Variants in RASGRP3 observed in about 807,000 individuals in gnomAD.
RASGRP3 encodes RAS guanyl releasing protein 3.
A neutral mutation model predicts 82.7 loss-of-function variants in RASGRP3; 54 were observed. The observed-to-expected ratio is 0.65, with a 90% confidence interval of 0.52 to 0.82. The LOEUF is 0.82. Ranked by LOEUF, RASGRP3 falls within the 40% of genes least tolerant of loss-of-function variation. The pLI, the probability that RASGRP3 is intolerant of heterozygous loss-of-function variation, is 0.00. For synonymous variants in RASGRP3, 309 were observed against 300.5 expected (o/e 1.03, Z -0.29); for missense variants, 861 against 828.9 (o/e 1.04, Z -0.48).
chr2:33,437,541 T>C (rs75173705), intron 1 of RASGRP3, among the ~76,000 whole-genome samples: 4,184 of 152,286 alleles, frequency 0.027, 204 homozygotes, highest in African/African-American at 0.096. Context: ...AGGAAATGTG[T>C]GGCTGTTATT....
chr2:33,547,074 AG>A (rs1205906440), intron 13 of RASGRP3, among the ~76,000 whole-genome samples: 19 of 137,968 alleles, frequency 1.4e-4, no homozygotes, highest in African/African-American at 4.0e-4. Context: ...AAAAAAAAAA[AG>A]AGAGAGAGAA....
chr2:33,514,639 C>T (rs1671272820), intron 2 of RASGRP3, among the ~76,000 whole-genome samples: 2 of 151,466 alleles, frequency 1.3e-5, no homozygotes, highest in African/African-American at 4.9e-5. Context: ...GAGCCGAGAT[C>T]GCACTACTGC....
rs150845233 is a variant in RASGRP3, at chr2:33,553,781, C to G, written c.1543-1750C>G. Among the ~76,000 whole-genome samples the G allele has an allele frequency of 1.6e-3, 241 of 152,090 alleles. 2 individuals are homozygous for G. The highest frequency in any genetic ancestry group is 5.4e-3 in the African/African-American group (225 of 41,522). On this transcript the variant is annotated intron_variant, in intron 14 of 17. Transcript: ENST00000403687. Reference sequence around the variant, plus strand: ...ATTTTTTCTTTGAGATAGAATCTCTCTCTGTCGCCTGCAGTGGCGCGATCT... The same window carrying G: ...ATTTTTTCTTTGAGATAGAATCTCTGTCTGTCGCCTGCAGTGGCGCGATCT...
chr2:33,541,698 T>G (rs987452092), intron 12 of RASGRP3, among the ~76,000 whole-genome samples: 2 of 147,558 alleles, frequency 1.4e-5, no homozygotes, highest in Non-Finnish European at 3.0e-5. Flanking sequence ...CCTGTTTGAC[T>G]TTTGTGTCTT....
At chr2:33,514,666 C>T (rs990087527) in intron 2 of RASGRP3, among the ~76,000 whole-genome samples, 1 of 152,068 alleles carries the variant, frequency 6.6e-6, no homozygotes, top group East Asian at 1.9e-4. Context: ...GTACTCCAGC[C>T]TGGGTGACAA....
chr2:33,465,006 GAA>G (rs1666609071), intron 2 of RASGRP3, among the ~76,000 whole-genome samples: 1 of 152,182 alleles, frequency 6.6e-6, no homozygotes, highest in Admixed American at 6.5e-5. Flanking sequence ...TCAAGTGAGA[GAA>G]AGAGTCACAA....
chr2:33,505,109 C>T (rs2150987685), intron 1 of RASGRP3, among the ~76,000 whole-genome samples: 1 of 151,812 alleles, frequency 6.6e-6, no homozygotes, highest in East Asian at 1.9e-4. Context: ...AATGATTCCT[C>T]CTCTTCCTCC....
chr2:33,465,892 C>A (rs1666666561), intron 2 of RASGRP3, among the ~76,000 whole-genome samples: 1 of 149,276 alleles, frequency 6.7e-6, no homozygotes, highest in South Asian at 2.1e-4. Context: ...AATGGAACAA[C>A]AAAGCCTGGA....
intron 2 of RASGRP3, among the ~76,000 whole-genome samples, chr2:33,514,519 A>C (rs1175185449): frequency 6.7e-6 from 1 of 149,792 alleles, no homozygotes; most frequent in Non-Finnish European, 1.5e-5. Flanking sequence ...AAAAAAAAAA[A>C]AAAAAAAACC....
chr2:33,444,588 G>A (rs929994133), intron 1 of RASGRP3, among the ~76,000 whole-genome samples: 3 of 152,116 alleles, frequency 2.0e-5, no homozygotes, highest in Non-Finnish European at 4.4e-5. Context: ...GTGAAATTTA[G>A]ACTATGAGAT....
chr2:33,466,253 G>C (rs1420997206), intron 2 of RASGRP3, among the ~76,000 whole-genome samples: 1 of 152,214 alleles, frequency 6.6e-6, no homozygotes, highest in East Asian at 1.9e-4. Flanking sequence ...AATCCTTCTG[G>C]AAAGGATTCA....
intron 16 of RASGRP3, 108 bp downstream of exon 16, chr2:33,558,444 T>C: frequency 6.6e-7 from 1 of 1,522,826 alleles, no homozygotes; most frequent in Non-Finnish European, 8.9e-7. Flanking sequence ...CTCTAAACGC[T>C]AAGGCCTTCT....
At chr2:33,459,165 C>T (rs758786813) in intron 2 of RASGRP3, among the ~76,000 whole-genome samples, 2 of 151,960 alleles carry the variant, frequency 1.3e-5, no homozygotes, top group East Asian at 1.9e-4. Context: ...CTCGCTCTGT[C>T]GCTCTGTTGC....
intron 17 of RASGRP3, 78 bp downstream of exon 17, chr2:33,559,108 G>T: frequency 1.6e-6 from 2 of 1,234,160 alleles, no homozygotes; most frequent in Admixed American, 5.7e-5. Context: ...CAGAGGGTCT[G>T]GGGGGCAGCC....
At chr2:33,535,635 A>G (rs961157832) in intron 11 of RASGRP3, among the ~76,000 whole-genome samples, 6 of 152,202 alleles carry the variant, frequency 3.9e-5, no homozygotes, top group African/African-American at 7.2e-5. Flanking sequence ...AATAGTGCAT[A>G]TGCTTCCATG....
At chr2:33,530,958 T>C (rs1390354546) in intron 10 of RASGRP3, 5 of 152,248 alleles carry the variant, frequency 3.3e-5, no homozygotes, top group African/African-American at 1.2e-4. Context: ...TGAAATAGTT[T>C]GAATCTTTTC....
intron 2 of RASGRP3, among the ~76,000 whole-genome samples, chr2:33,471,341 A>ATTTTTTTTTTTTTTTTTTTTTT: frequency 9.4e-6 from 1 of 106,790 alleles, no homozygotes; most frequent in Non-Finnish European, 1.8e-5. Flanking sequence ...ACACTGGGCT[A>ATTTTTTTTTTTTTTTTTTTTTT]TTTTTTTTTT....
intron 2 of RASGRP3, among the ~76,000 whole-genome samples, chr2:33,459,985 A>G (rs74375806): frequency 0.02 from 3,007 of 152,306 alleles, 91 homozygotes; most frequent in African/African-American, 0.069. Context: ...GGTCAAGGAA[A>G]GAATGTTTGT....
At chr2:33,496,250 T>G (rs892013884) in intron 1 of RASGRP3, among the ~76,000 whole-genome samples, 1 of 152,208 alleles carries the variant, frequency 6.6e-6, no homozygotes, top group African/African-American at 2.4e-5. Context: ...AGAAAAAAGT[T>G]TAAAAAGCAA....
Sources: gnomAD v4.1 joint callset for allele counts (sites outside exome capture counted in the v4.1 genomes callset) on GRCh38, gnomAD v4.1.1 for gene constraint, MANE v1.5 for transcripts, NCBI Gene and HGNC (gene_info 2026-07-23, HGNC 2026-07-21) for gene names.